POLRMT: variants seen among roughly 807,000 people sequenced by gnomAD.
The protein encoded by POLRMT is DNA-directed RNA polymerase, mitochondrial.
Under a neutral mutation model 132.2 loss-of-function variants are expected in POLRMT, and 114 were observed. The observed-to-expected ratio is 0.86, with a 90% confidence interval of 0.74 to 1.01. The LOEUF is 1.01. Ranked by LOEUF, POLRMT falls within the 50% of genes least tolerant of loss-of-function variation. The pLI, the probability that POLRMT is intolerant of heterozygous loss-of-function variation, is 0.00. For missense variants in POLRMT, 2,003 were observed against 1,729.1 expected (o/e 1.16, Z -2.81); for synonymous variants, 1,020 against 773.4 (o/e 1.32, Z -5.29).
intron 3 of POLRMT, chr19:625,580 C>T (rs1299601769): frequency 3.9e-6 from 1 of 257,378 alleles, no homozygotes; most frequent in Non-Finnish European, 7.3e-6. Context: ...CTGTTTCTGC[C>T]TTCCATTTCA....
intron 1 of POLRMT, 26 bp from the exon 2 acceptor site, chr19:632,964 G>A: frequency 2.1e-6 from 3 of 1,459,980 alleles, no homozygotes; most frequent in Non-Finnish European, 2.7e-6. Context: ...GAGCGGCTGA[G>A]CGGGGCCGGG....
In POLRMT at chr19:619,083, T is replaced by C. The variant is rs1361171832; in HGVS notation, c.3181A>G (p.Ile1061Val). The part of the protein sequence containing the change: ...QHWLTESARL[I>V]SHMGSVVEWV... ...TCCACCACAGAGCCCATGTGGGAGA[T>C]GAGGCGGGCACTCTCGGTCAGCCAG... The change falls in exon 15 of 21, where the codon ATC becomes GTC. Residue 1061 changes from isoleucine to valine, a missense_variant. Transcript: ENST00000588649. 2 of 1,610,402 alleles carry C rather than the reference T, an allele frequency of 1.2e-6. No homozygotes were observed. The highest frequency in any genetic ancestry group is 1.1e-5 in the South Asian group (1 of 90,872).
Position 629,618 on chromosome 19 carries a change from G to C in POLRMT, c.744C>G (p.Val248=). The change falls in exon 3 of 21, where the codon GTC becomes GTG. Residue 248 remains valine, a synonymous_variant. Transcript: ENST00000588649. ...QLPLAHHLLV[V]HHGQRQKRKL... is the part of the protein sequence containing the mutation. Reference sequence around the variant, plus strand: ...TCCGCTTCTGCCGCTGGCCGTGGTGGACGACCAGCAGGTGGTGGGCGAGGG... The same window carrying C: ...TCCGCTTCTGCCGCTGGCCGTGGTGCACGACCAGCAGGTGGTGGGCGAGGG... The C allele has an allele frequency of 8.1e-6, 13 of 1,608,340 alleles. No homozygotes were observed. Among genetic ancestry groups the C allele is most frequent in the Non-Finnish European group, 1.1e-5 (13 of 1,178,560 alleles).
Position 617,634 on chromosome 19 carries a change from G to A in POLRMT, c.3517C>T (p.Arg1173Cys), listed in dbSNP as rs147740567. The change falls in exon 19 of 21, where the codon CGC becomes TGC. Residue 1173 changes from arginine to cysteine, a missense_variant. Physicochemically the swap from Arg to Cys is radical, Grantham distance 180. Coordinates refer to ENST00000588649, the MANE Select transcript of POLRMT (RefSeq NM_005035.4). ...MNQVCREQFV[R>C]LHSEPILQDL... ...TGCAGGATGGGCTCGCTGTGCAAGC[G>A]GACAAACTGCTCCCGGCACACCTGG... The A allele has an allele frequency of 3.7e-4, 602 of 1,612,452 alleles. 2 individuals are homozygous for A. The African/African-American group carries it at 5.5e-3, about 15-fold the overall frequency.
chr19:620,304 A>T (rs1984415586), intron 11 of POLRMT, 61 bp downstream of exon 11: 1 of 1,488,140 alleles, frequency 6.7e-7, no homozygotes. Context: ...CACACCCTCA[A>T]GTCGAGCCCC....
chr19:628,631 T>TGG (rs34236901), intron 3 of POLRMT, among the ~76,000 whole-genome samples: 1,737 of 150,984 alleles, frequency 0.012, 30 homozygotes, highest in African/African-American at 0.039. Context: ...TGAAGGATCA[T>TGG]GGGGGGGGAG....
Position 629,582 on chromosome 19 carries a change from C to A in POLRMT, c.780G>T (p.Thr260=), listed in dbSNP as rs373193180. 4.4e-6 allele frequency: 7 copies of A among 1,588,676 alleles called. No individual in the cohort carries two copies. The highest frequency in any genetic ancestry group is 1.1e-5 in the South Asian group (1 of 87,292). The change falls in exon 3 of 21, where the codon ACG becomes ACT. Residue 260 remains threonine (T), a synonymous_variant. Transcript: ENST00000588649. ...HGQRQKRKLL[T]LDMYNAVMLG... is the part of the protein sequence containing the mutation. ...GCATCACGGCGTTGTACATGTCCAG[C>A]GTGAGCAGCTTCCGCTTCTGCCGCT...
chr19:622,941 C>G lies in POLRMT; in HGVS notation c.1335G>C (p.Leu445=), dbSNP rs549634717. Residue 445 remains leucine, a synonymous_variant, in exon 7 of 21, where the codon CTG becomes CTC. Coordinates refer to ENST00000588649, the MANE Select transcript of POLRMT (RefSeq NM_005035.4). ...TCTTGGTCTCCCGCAGCGCCCGGCA[C>G]AGTGCTTTCTCCCATTGGTCCCGCA... ...KTLRDQWEKA[L]CRALRETKNR... is the part of the protein sequence containing the mutation. 1 of 1,612,898 alleles carries G rather than the reference C, an allele frequency of 6.2e-7. No individual in the cohort carries two copies. Among genetic ancestry groups the G allele is most frequent in the Admixed American group, 1.7e-5 (1 of 59,992 alleles).
chr19:627,652 C>T (rs1021663867), intron 3 of POLRMT, among the ~76,000 whole-genome samples: 71 of 151,742 alleles, frequency 4.7e-4, no homozygotes, highest in Admixed American at 1.2e-3. Context: ...TGGCCGGGCG[C>T]GGTCGCTCAC....
At chr19:618,245 C>T (rs1984169178) in intron 17 of POLRMT, 2 of 557,782 alleles carry the variant, frequency 3.6e-6, no homozygotes, top group South Asian at 2.4e-5. Context: ...CCAAGAAATG[C>T]CCAGCAGGAA....
At chr19:619,322 G>A (rs375214911) in intron 13 of POLRMT, 26 bp from the exon 14 acceptor site, 135 of 1,602,554 alleles carry the variant, frequency 8.4e-5, no homozygotes, top group African/African-American at 5.1e-4. Context: ...AGCAGGTGCA[G>A]GTCCTCAGGG....
Position 630,181 on chromosome 19 carries a change from G to C in POLRMT, c.194-13C>G. On this transcript the variant is annotated splice_polypyrimidine_tract_variant and intron_variant, in intron 2 of 20. Coordinates refer to ENST00000588649, the MANE Select transcript of POLRMT (RefSeq NM_005035.4). ...CGCGCCTGGAGCACTGTGAGGGGCA[G>C]AAGGCGAGGACATGAGAGGGACCCC... 1 of 1,571,604 alleles carries C rather than the reference G, an allele frequency of 6.4e-7. No individual in the cohort carries two copies. The highest frequency in any genetic ancestry group is 1.2e-5 in the South Asian group (1 of 83,866).
In POLRMT at chr19:622,749, G is replaced by T. The variant is rs747940129; in HGVS notation, c.1459C>A (p.Leu487Met). The T allele has an allele frequency of 8.2e-6, 13 of 1,587,488 alleles. No individual in the cohort carries two copies. The highest frequency in any genetic ancestry group is 1.3e-5 in the African/African-American group (1 of 74,214). ...TCACCTTGGGCGGGCAGCGCCTGCA[G>T]GACCTGCGGAAGGCAGCCGTGAGTG... ...REVVRMLLQVLQALPAQGESF... is the reference protein window; with the variant it reads ...REVVRMLLQVMQALPAQGESF... The change falls in exon 8 of 21, where the codon CTG becomes ATG. Residue 487 changes from leucine (L) to methionine (M), a missense_variant. By Grantham distance (15) the Leu-to-Met change is conservative. Coordinates refer to ENST00000588649, the MANE Select transcript of POLRMT (RefSeq NM_005035.4).
chr19:620,380 G>A lies in POLRMT; in HGVS notation c.2748C>T (p.His916=), dbSNP rs773310914. 6 of 1,579,792 alleles carry A rather than the reference G, an allele frequency of 3.8e-6. No individual in the cohort carries two copies. The African/African-American group carries it at 5.4e-5, about 14-fold the overall frequency. The change falls in exon 11 of 21, where the codon CAC becomes CAT. Residue 916 remains histidine, a synonymous_variant. Coordinates refer to ENST00000588649, the MANE Select transcript of POLRMT (RefSeq NM_005035.4). ...RASDPAAYVS[H]LPVHQDGSCN... is the part of the protein sequence containing the mutation. The stretch of plus-strand genomic sequence containing the variant: ...GCTGGCTCACCTGATGGACGGGGAG[G>A]TGGGAGACATAGGCGGCAGGGTCGG...
In POLRMT at chr19:627,048, A is replaced by C. The variant is rs190860992; in HGVS notation, c.823-1794T>G. 5.6e-3 allele frequency among the ~76,000 whole-genome samples: 848 copies of C among 152,068 alleles called. 8 individuals are homozygous for C. The highest frequency in any genetic ancestry group is 0.019 in the African/African-American group (806 of 41,472). ...GTAACAGACTATTCCAAAGGGAAAA[A>C]AATTCCCTTACATCCTCCCACCCCA... On this transcript the variant is annotated intron_variant, in intron 3 of 20. Transcript: ENST00000588649.
Position 629,728 on chromosome 19 carries a change from C to T in POLRMT, c.634G>A (p.Gly212Arg), listed in dbSNP as rs1197993157. The change falls in exon 3 of 21, where the codon GGG (glycine) becomes AGG (arginine). Residue 212 changes from glycine (G) to arginine (R), a missense_variant. Transcript: ENST00000588649. ...GAGAGCTGGGCCTGCGAGTGCTGCC[C>T]CGACGGGGCCTGCTCCACATCGAGG... ...LSLDVEQAPS[G>R]QHSQAQLSGQ... is the part of the protein sequence containing the mutation. 5.1e-6 allele frequency: 8 copies of T among 1,583,656 alleles called. No individual in the cohort carries two copies. Among genetic ancestry groups the T allele is most frequent in the Non-Finnish European group, 6.9e-6 (8 of 1,166,284 alleles).
chr19:621,496 C>T lies in POLRMT; in HGVS notation c.2202G>A (p.Pro734=), dbSNP rs1222667818. 45 of 1,374,898 alleles carry T rather than the reference C, an allele frequency of 3.3e-5. No individual in the cohort carries two copies. The East Asian group carries it at 8.3e-4, about 25-fold the overall frequency. 85.2% of individuals were successfully genotyped at this position (1,374,898 alleles called of 1,614,324 possible). ...CGGGCGGCTGGGGCGCCTCGGAGGG[C>T]GGGGCCGGCACGCCTAGCTGGGGGC... The part of the protein sequence containing the change: ...KGCPQLGVPA[P]PSEAPQPPEA... The change falls in exon 10 of 21, where the codon CCG becomes CCA. Residue 734 remains proline (P), a synonymous_variant. Coordinates refer to ENST00000588649, the MANE Select transcript of POLRMT (RefSeq NM_005035.4).
chr19:631,184 C>T (rs1369068497), intron 2 of POLRMT, among the ~76,000 whole-genome samples: 3 of 151,856 alleles, frequency 2.0e-5, no homozygotes, highest in African/African-American at 4.8e-5. Flanking sequence ...TGAAATAAGC[C>T]GGGTACAGGG....
intron 2 of POLRMT, among the ~76,000 whole-genome samples, chr19:631,563 C>G (rs533054492): frequency 1.3e-5 from 2 of 151,754 alleles, no homozygotes; most frequent in Middle Eastern, 3.4e-3. Context: ...TGCTTGAACT[C>G]GGGAGGCGGA....
Sources: gnomAD v4.1 joint callset for allele counts (sites outside exome capture counted in the v4.1 genomes callset) on GRCh38, gnomAD v4.1.1 for gene constraint, MANE v1.5 for transcripts, NCBI Gene and HGNC (gene_info 2026-07-23, HGNC 2026-07-21) for gene names.